Variants in AHDC1 observed in about 807,000 individuals in gnomAD.
AHDC1 encodes the protein AT-hook DNA binding motif containing 1.
AHDC1 carries 7 observed loss-of-function variants against 87.9 expected under a neutral mutation model. The ratio of observed to expected loss-of-function variants is 0.08; its 90% CI spans 0.05 to 0.15. AHDC1 has a LOEUF of 0.15. Among genes scored for constraint, AHDC1 ranks in the 10% least tolerant of loss-of-function variants. The pLI, the probability that AHDC1 is intolerant of heterozygous loss-of-function variation, is 1.00. For synonymous variants in AHDC1, 1,051 were observed against 1,006.8 expected (o/e 1.04, Z -0.83); for missense variants, 1,841 against 2,253.2 (o/e 0.82, Z 3.70).
rs929111245 is a variant in AHDC1 at position 27,565,737 on chromosome 1, G to A, written c.-628-6854C>T. ...TCTGAACTTGCCATCATTTTAGCAA[G>A]GGAAGGGACAAATCCCAAGAATCAG... On this transcript the variant is annotated intron_variant, in intron 3 of 8. Transcript: ENST00000673934. This position sits in a 1 kb window ranked among gnomAD's most constrained non-coding sequence, Gnocchi z 4.6. Among the ~76,000 whole-genome samples, 1 of 152,194 alleles carries A rather than the reference G, an allele frequency of 6.6e-6. No homozygotes were observed. The highest frequency in any genetic ancestry group is 2.4e-5 in the African/African-American group (1 of 41,446).
At chr1:27,584,737 C>T (rs1394560353) in intron 3 of AHDC1, among the ~76,000 whole-genome samples, 1 of 152,136 alleles carries the variant, frequency 6.6e-6, no homozygotes, top group Admixed American at 6.5e-5. Context: ...GTTTCCCCCA[C>T]AGCACTCTGC....
intron 3 of AHDC1, among the ~76,000 whole-genome samples, chr1:27,599,933 C>T (rs1268222124): frequency 6.6e-6 from 1 of 151,960 alleles, no homozygotes; most frequent in Non-Finnish European, 1.5e-5. Flanking sequence ...TCTTCCCAAA[C>T]ATCTGCTTGT....
intron 3 of AHDC1, among the ~76,000 whole-genome samples, chr1:27,594,658 T>TGGGAAGAGC (rs2089316038): frequency 6.6e-6 from 1 of 152,086 alleles, no homozygotes; most frequent in Non-Finnish European, 1.5e-5. Context: ...GAGGAGGCTC[T>TGGGAAGAGC]GGGAAGAGCG....
intron 3 of AHDC1, among the ~76,000 whole-genome samples, chr1:27,599,681 C>A (rs1251562399): frequency 1.3e-5 from 2 of 152,184 alleles, no homozygotes; most frequent in Admixed American, 1.3e-4. Context: ...ATGTTTCCCG[C>A]TTTTATAACC....
chr1:27,603,993 G>A, intron 1 of AHDC1, 113 bp downstream of exon 1: 1 of 145,832 alleles, frequency 6.9e-6, no homozygotes, highest in Non-Finnish European at 1.5e-5. Context: ...CGCTGCGAGC[G>A]GGGCTGAGCG....
chr1:27,581,335 A>T (rs909521632), intron 3 of AHDC1, among the ~76,000 whole-genome samples: 3 of 151,832 alleles, frequency 2.0e-5, no homozygotes, highest in South Asian at 4.1e-4. Context: ...ACTTTAAAAA[A>T]ATATATTTTT....
intron 3 of AHDC1, among the ~76,000 whole-genome samples, chr1:27,599,667 C>A (rs2148500924): frequency 6.6e-6 from 1 of 152,276 alleles, no homozygotes; most frequent in Middle Eastern, 3.4e-3. Flanking sequence ...CCTCTGGGAC[C>A]CTAATGTTTC....
intron 3 of AHDC1, among the ~76,000 whole-genome samples, chr1:27,569,645 C>T (rs994086254): frequency 6.6e-6 from 1 of 152,142 alleles, no homozygotes; most frequent in African/African-American, 2.4e-5. Context: ...CTTCCCCAGC[C>T]CTGATGCTGG....
intron 3 of AHDC1, among the ~76,000 whole-genome samples, chr1:27,596,003 G>T (rs2089361110): frequency 6.6e-6 from 1 of 151,992 alleles, no homozygotes; most frequent in Admixed American, 6.5e-5. Flanking sequence ...TATTTAGAAG[G>T]TGTTGGGAGC....
rs941460496 is a variant in AHDC1 at position 27,558,992 on chromosome 1, C to A, written c.-628-109G>T. The A allele has an allele frequency of 5.3e-5, 21 of 397,702 alleles. No homozygotes were observed. Among genetic ancestry groups the A allele is most frequent in the Non-Finnish European group, 8.0e-5 (18 of 225,932 alleles). 24.6% of individuals were successfully genotyped at this position (397,702 alleles called of 1,614,324 possible). A position where few individuals can be genotyped will look rare whatever the true frequency, so the allele number is the denominator to read the frequency against. On this transcript the variant is annotated intron_variant, in intron 3 of 8. Coordinates refer to ENST00000673934, the MANE Select transcript of AHDC1 (RefSeq NM_001371928.1). The surrounding 1 kb of genome is among the most constrained non-coding windows in gnomAD (Gnocchi z 5.6). Reference sequence around the variant, plus strand: ...GCCAGGAAGCTCTCCTACATGGAGTCCCATCCACCTCCAACCTCATCGCAT... The same window carrying A: ...GCCAGGAAGCTCTCCTACATGGAGTACCATCCACCTCCAACCTCATCGCAT...
chr1:27,594,810 A>G (rs1183567042), intron 3 of AHDC1, among the ~76,000 whole-genome samples: 1 of 152,100 alleles, frequency 6.6e-6, no homozygotes, highest in Non-Finnish European at 1.5e-5. Flanking sequence ...GGGCTGCAGA[A>G]GGATTAGGCG....
rs2019389690 is a variant in AHDC1, at chr1:27,549,383, A to G, written c.2733T>C (p.Phe911=). Residue 911 remains phenylalanine (F), a synonymous_variant, in exon 8 of 9, where the codon TTT becomes TTC. Coordinates refer to ENST00000673934, the MANE Select transcript of AHDC1 (RefSeq NM_001371928.1). ...TCTGGCGCGCGGACAGGACAGGCTG[A>G]AAGGAGGGGTCCGCCCCAGCCCCGC... ...GSSGAGADPS[F]QPVLSARQTF... 3.1e-6 allele frequency: 5 copies of G among 1,612,882 alleles called. No homozygotes were observed. In the South Asian group the frequency reaches 5.5e-5, roughly 18 times the overall value.
chr1:27,581,132 G>T lies in AHDC1; in HGVS notation c.-628-22249C>A, dbSNP rs183098884. On this transcript the variant is annotated intron_variant, in intron 3 of 8. Coordinates refer to ENST00000673934, the MANE Select transcript of AHDC1 (RefSeq NM_001371928.1). ...TTACAGGTGTAAGCCACCACGTCCCGCCTGTTTTTGTTTTTGAGACAGGGT... is the reference window on the plus strand; with the variant it reads ...TTACAGGTGTAAGCCACCACGTCCCTCCTGTTTTTGTTTTTGAGACAGGGT... Among the ~76,000 whole-genome samples, 3 of 151,998 alleles carry T rather than the reference G, an allele frequency of 2.0e-5. No individual in the cohort carries two copies. In the East Asian group the frequency reaches 5.8e-4, roughly 29 times the overall value.
At chr1:27,594,147 G>A (rs978429681) in intron 3 of AHDC1, among the ~76,000 whole-genome samples, 5 of 152,188 alleles carry the variant, frequency 3.3e-5, no homozygotes, top group Non-Finnish European at 7.3e-5. Flanking sequence ...TGGAACAGAT[G>A]GTGGAGATTC....
rs1028394681 is a variant in AHDC1, at chr1:27,562,361, C to G, written c.-628-3478G>C. ...CGACTGACTACCTGAGCTCCCGGCC[C>G]GCGCAGAGCTGCCCCGATTAATCCT... is the stretch of plus-strand genomic sequence containing the variant. On this transcript the variant is annotated intron_variant, in intron 3 of 8. Transcript: ENST00000673934. The surrounding 1 kb of genome is among the most constrained non-coding windows in gnomAD (Gnocchi z 4.4). Among the ~76,000 whole-genome samples the G allele has an allele frequency of 6.6e-6, 1 of 152,138 alleles. No individual in the cohort carries two copies. The highest frequency in any genetic ancestry group is 2.4e-5 in the African/African-American group (1 of 41,416).
At chr1:27,577,001 C>T (rs111363976) in intron 3 of AHDC1, among the ~76,000 whole-genome samples, 1,745 of 152,292 alleles carry the variant, frequency 0.011, 35 homozygotes, top group African/African-American at 0.038. Flanking sequence ...AACACAGAGA[C>T]CAGTACCCTA....
chr1:27,586,739 G>T (rs943185703), intron 3 of AHDC1, among the ~76,000 whole-genome samples: 1 of 152,162 alleles, frequency 6.6e-6, no homozygotes, highest in Non-Finnish European at 1.5e-5. Context: ...TGCCACCCCA[G>T]ATTGGCCTCC....
chr1:27,583,453 T>C (rs76163391), intron 3 of AHDC1, among the ~76,000 whole-genome samples: 2,365 of 152,052 alleles, frequency 0.016, 64 homozygotes, highest in African/African-American at 0.053. Flanking sequence ...CCTGAGCTCA[T>C]GTCTTGTTGT....
chr1:27,596,372 G>C (rs574343561), intron 3 of AHDC1, among the ~76,000 whole-genome samples: 4 of 152,222 alleles, frequency 2.6e-5, no homozygotes, highest in Non-Finnish European at 4.4e-5. Flanking sequence ...GGGGGTGGGG[G>C]AACTGCACAG....
Sources: gnomAD v4.1 joint callset for allele counts (sites outside exome capture counted in the v4.1 genomes callset) on GRCh38, gnomAD v4.1.1 for gene constraint, Gnocchi (gnomAD v3.1) non-coding constraint, MANE v1.5 for transcripts, NCBI Gene and HGNC (gene_info 2026-07-23, HGNC 2026-07-21) for gene names.